Variants in PPARGC1A observed in about 807,000 individuals in gnomAD.
The protein encoded by PPARGC1A is PPARG coactivator 1 alpha.
PPARGC1A carries 25 observed loss-of-function variants against 88.7 expected under a neutral mutation model. The observed-to-expected ratio is 0.28, with a 90% confidence interval of 0.21 to 0.39. PPARGC1A has a LOEUF of 0.39. Among genes scored for constraint, PPARGC1A ranks in the 10% least tolerant of loss-of-function variants. The pLI, the probability that PPARGC1A is intolerant of heterozygous loss-of-function variation, is 1.00. For synonymous variants in PPARGC1A, 363 were observed against 355.6 expected (o/e 1.02, Z -0.24); for missense variants, 880 against 968.7 (o/e 0.91, Z 1.22).
chr4:24,270,810 C>T, the PPARGC1A span, among the ~76,000 whole-genome samples: 1 of 152,116 alleles, frequency 6.6e-6, no homozygotes, highest in Admixed American at 6.6e-5. Context: ...AAGAGTTTTA[C>T]AGTTTAAAAG....
the PPARGC1A span, among the ~76,000 whole-genome samples, chr4:24,407,392 C>A: frequency 6.6e-6 from 1 of 152,302 alleles, no homozygotes; most frequent in South Asian, 2.1e-4. Context: ...AGGTAGCAGG[C>A]CACACCCTGC....
chr4:24,469,693 AT>A, the PPARGC1A span, among the ~76,000 whole-genome samples: 1 of 152,210 alleles, frequency 6.6e-6, no homozygotes, highest in African/African-American at 2.4e-5. Flanking sequence ...CAACATGAGT[AT>A]CCCCTTCTAG....
chr4:24,044,270 A>G, the PPARGC1A span, among the ~76,000 whole-genome samples: 11 of 152,288 alleles, frequency 7.2e-5, no homozygotes, highest in Admixed American at 5.2e-4. Context: ...ATGAGACGCC[A>G]CTTTGTCATC....
intron 2 of PPARGC1A, among the ~76,000 whole-genome samples, chr4:23,872,574 T>G (rs565667320): frequency 2.6e-4 from 39 of 152,288 alleles, no homozygotes; most frequent in South Asian, 1.0e-3. Context: ...GCAGAATTTA[T>G]CTGCTAGTGA....
Position 23,802,362 on chromosome 4 carries a change from G to A in PPARGC1A, c.2020-17C>T. The A allele has an allele frequency of 6.2e-7, 1 of 1,613,894 alleles. No homozygotes were observed. Among genetic ancestry groups the A allele is most frequent in the Middle Eastern group, 1.7e-4 (1 of 6,060 alleles). On this transcript the variant is annotated splice_polypyrimidine_tract_variant and intron_variant, in intron 10 of 12. Coordinates refer to ENST00000264867, the MANE Select transcript of PPARGC1A (RefSeq NM_013261.5). ...GCGCTCTTCCTATGGGGGGAAGGAAGGAGAGAGTTCTGGAGTGGGAAAAAA... is the reference window on the plus strand; with the variant it reads ...GCGCTCTTCCTATGGGGGGAAGGAAAGAGAGAGTTCTGGAGTGGGAAAAAA...
In PPARGC1A at chr4:23,860,307, TA is replaced by T. The variant is rs1478078226; in HGVS notation, c.234+24444del. On this transcript the variant is annotated intron_variant, in intron 2 of 12. Coordinates refer to ENST00000264867, the MANE Select transcript of PPARGC1A (RefSeq NM_013261.5). ...AAAAATAAACGAGTAGAATGATGGT[TA>T]CCAGGGGTGGGGGGAGGGGAAGGTA... 5.7e-5 allele frequency among the ~76,000 whole-genome samples: 6 copies of T among 105,826 alleles called. No individual in the cohort carries two copies. In the East Asian group the frequency reaches 2.0e-3, roughly 36 times the overall value. The allele number at this position is 105,826 out of a possible 152,430, so 69.4% of individuals were successfully genotyped here. A position where few individuals can be genotyped will look rare whatever the true frequency, so the allele number is the denominator to read the frequency against.
At chr4:24,037,255 G>C in the PPARGC1A span, among the ~76,000 whole-genome samples, 2 of 152,114 alleles carry the variant, frequency 1.3e-5, no homozygotes, top group African/African-American at 4.8e-5. Context: ...GATAATAGAA[G>C]CTACTTCATA....
chr4:24,204,453 AAGGG>A, the PPARGC1A span, among the ~76,000 whole-genome samples: 1 of 151,576 alleles, frequency 6.6e-6, no homozygotes, highest in Admixed American at 6.6e-5. Context: ...GTAAGACTGA[AAGGG>A]AGGGACAGGG....
chr4:24,033,984 C>T, the PPARGC1A span, among the ~76,000 whole-genome samples: 1 of 152,122 alleles, frequency 6.6e-6, no homozygotes, highest in African/African-American at 2.4e-5. Flanking sequence ...CTGAGTGGTC[C>T]GTTTGGCCTT....
the PPARGC1A span, among the ~76,000 whole-genome samples, chr4:24,207,967 T>C: frequency 6.6e-6 from 1 of 152,150 alleles, no homozygotes; most frequent in Non-Finnish European, 1.5e-5. Context: ...AGAATTCCCA[T>C]GAGCTTCAAG....
chr4:24,380,347 A>G, the PPARGC1A span, among the ~76,000 whole-genome samples: 18 of 152,328 alleles, frequency 1.2e-4, no homozygotes, highest in African/African-American at 4.1e-4. Flanking sequence ...AGCAGGAGGC[A>G]CGAGAAACAA....
the PPARGC1A span, among the ~76,000 whole-genome samples, chr4:24,343,678 A>G: frequency 5.3e-3 from 800 of 152,256 alleles, 7 homozygotes; most frequent in African/African-American, 0.018. Context: ...TAAAGATAAT[A>G]TCTTGTAGGC....
At chr4:24,222,067 G>A in the PPARGC1A span, among the ~76,000 whole-genome samples, 1 of 152,166 alleles carries the variant, frequency 6.6e-6, no homozygotes, top group Non-Finnish European at 1.5e-5. Context: ...GTAATTCAGG[G>A]ACCATCTCCA....
chr4:24,227,341 C>T, the PPARGC1A span, among the ~76,000 whole-genome samples: 1 of 152,178 alleles, frequency 6.6e-6, no homozygotes, highest in East Asian at 1.9e-4. Flanking sequence ...CCTGCATCAG[C>T]CTCCCAAAGT....
chr4:23,982,858 TTTATTATTA>T, the PPARGC1A span, among the ~76,000 whole-genome samples: 2 of 151,536 alleles, frequency 1.3e-5, no homozygotes, highest in South Asian at 4.2e-4. Context: ...TACTTAATAT[TTTATTATTA>T]TTATTATCTT....
At chr4:24,279,151 C>A in the PPARGC1A span, among the ~76,000 whole-genome samples, 1 of 152,130 alleles carries the variant, frequency 6.6e-6, no homozygotes, top group African/African-American at 2.4e-5. Flanking sequence ...CCACATGGTA[C>A]AAAAACACAT....
the PPARGC1A span, among the ~76,000 whole-genome samples, chr4:24,385,262 T>C: frequency 6.6e-6 from 1 of 152,180 alleles, no homozygotes; most frequent in Non-Finnish European, 1.5e-5. Flanking sequence ...GGGAAATTTA[T>C]AGCACTAAAT....
chr4:24,254,339 AC>A, the PPARGC1A span, among the ~76,000 whole-genome samples: 1 of 152,142 alleles, frequency 6.6e-6, no homozygotes, highest in African/African-American at 2.4e-5. Flanking sequence ...CCAGGTTTGA[AC>A]CCAAGTAGCC....
chr4:24,319,967 A>C, the PPARGC1A span, among the ~76,000 whole-genome samples: 1 of 152,232 alleles, frequency 6.6e-6, no homozygotes, highest in East Asian at 1.9e-4. Context: ...TCTAAGAGTC[A>C]TACTAGACAC....
Sources: gnomAD v4.1 joint callset for allele counts (sites outside exome capture counted in the v4.1 genomes callset) on GRCh38, gnomAD v4.1.1 for gene constraint, MANE v1.5 for transcripts, NCBI Gene and HGNC (gene_info 2026-07-23, HGNC 2026-07-21) for gene names.